The following VPS8 variants were observed in gnomAD, a reference collection of about 807,000 sequenced individuals.
VPS8 encodes the protein VPS8 subunit of CORVET complex.
A neutral mutation model predicts 216.4 loss-of-function variants in VPS8; 129 were observed. The observed-to-expected ratio is 0.60, with a 90% CI of 0.52 to 0.69. The LOEUF (loss-of-function observed/expected upper bound fraction) is 0.69, where lower values mean the gene tolerates loss of function less well. VPS8 is among the 30% of genes least tolerant of loss of function. The probability of loss-of-function intolerance (pLI) is 0.00; values close to 1 mark genes in which losing one functional copy is unlikely to be tolerated. For missense variants in VPS8, 1,531 were observed against 1,683.5 expected, an observed-to-expected ratio of 0.91 and a Z score of 1.59; for synonymous variants, 571 against 565.4, an observed-to-expected ratio of 1.01 and a Z score of -0.14.
At chr3:184,867,930 G>A in intron 17 of VPS8, 94 bp from the exon 18 acceptor site, 5 of 1,264,952 alleles carry the variant, frequency 4.0e-6, no homozygotes, top group African/African-American at 1.5e-5. Flanking sequence ...TTACTTAAAG[G>A]GATATCAAAT....
intron 7 of VPS8, among the ~76,000 whole-genome samples, chr3:184,842,493 A>G (rs559896128): frequency 4.6e-5 from 7 of 152,272 alleles, no homozygotes; most frequent in Non-Finnish European, 1.0e-4. Context: ...TGCTTTGGGT[A>G]TTAATAGTGT....
chr3:184,838,468 C>T (rs78771978), intron 5 of VPS8, among the ~76,000 whole-genome samples: 2,825 of 152,198 alleles, frequency 0.019, 95 homozygotes, highest in African/African-American at 0.065. Context: ...CAGTACCCTC[C>T]CTGAGGCATC....
At position 184,920,108 on chromosome 3, in the gene VPS8, A is replaced by G; in HGVS notation, c.2383-19A>G. Reference sequence around the variant, plus strand: ...GTGCAAATAATAATTACTTTAAAAAATTTATTTCTCCCTTTTAGACTTTTG... The same window carrying G: ...GTGCAAATAATAATTACTTTAAAAAGTTTATTTCTCCCTTTTAGACTTTTG... On this transcript the variant is annotated intron_variant, in intron 28 of 47. Transcript: ENST00000625842. 6.7e-7 allele frequency: 1 copy of G among 1,485,202 alleles called. No individual in the cohort carries two copies. The highest frequency in any genetic ancestry group is 1.4e-5 in the African/African-American group (1 of 70,444). 92.0% of individuals were successfully genotyped at this position (1,485,202 alleles called of 1,614,324 possible).
intron 1 of VPS8, among the ~76,000 whole-genome samples, chr3:184,813,535 C>T (rs1379732159): frequency 6.6e-6 from 1 of 152,066 alleles, no homozygotes; most frequent in Non-Finnish European, 1.5e-5. Flanking sequence ...AATCCTCTGG[C>T]AATAGCTGGC....
intron 35 of VPS8, among the ~76,000 whole-genome samples, chr3:184,938,311 G>C (rs1234056017): frequency 6.6e-6 from 1 of 152,158 alleles, no homozygotes; most frequent in Non-Finnish European, 1.5e-5. Flanking sequence ...CCTGCTCTGG[G>C]CCAAAAACAT....
intron 1 of VPS8, among the ~76,000 whole-genome samples, chr3:184,822,512 T>C (rs9863203): frequency 0.024 from 3,605 of 152,318 alleles, 133 homozygotes; most frequent in African/African-American, 0.082. Context: ...AGATAAAATA[T>C]GAAACATTTT....
At chr3:185,001,688 TTGGGAGATGG>T (rs1332938662) in intron 45 of VPS8, among the ~76,000 whole-genome samples, 4 of 152,158 alleles carry the variant, frequency 2.6e-5, no homozygotes, top group Admixed American at 2.0e-4. Flanking sequence ...TCTGCACAGG[TTGGGAGATGG>T]GGCTGAAAGT....
At chr3:184,910,577 C>T (rs1180812720) in intron 25 of VPS8, among the ~76,000 whole-genome samples, 2 of 152,204 alleles carry the variant, frequency 1.3e-5, no homozygotes, top group Admixed American at 6.5e-5. Context: ...CTTTTTCCTG[C>T]ATGGTGGTTT....
At chr3:184,966,778 A>C (rs576579213) in intron 39 of VPS8, 65 bp downstream of exon 39, 5 of 1,217,524 alleles carry the variant, frequency 4.1e-6, no homozygotes, top group Non-Finnish European at 5.8e-6. Context: ...AAGATGTTTA[A>C]TAAATTGCAT....
At chr3:184,953,001 G>T (rs1010970275) in intron 36 of VPS8, among the ~76,000 whole-genome samples, 2 of 152,148 alleles carry the variant, frequency 1.3e-5, no homozygotes. Context: ...AAAGAATTCT[G>T]GTTAAAGGTT....
At chr3:184,937,168 G>A (rs576772658) in intron 35 of VPS8, among the ~76,000 whole-genome samples, 1 of 152,332 alleles carries the variant, frequency 6.6e-6, no homozygotes, top group East Asian at 1.9e-4. Context: ...GAGAAGCTCA[G>A]TTAGAAGTAC....
Position 184,886,119 on chromosome 3 carries a change from C to A in VPS8, c.1744C>A (p.Pro582Thr). 1 of 1,609,436 alleles carries A rather than the reference C, an allele frequency of 6.2e-7. No homozygotes were observed. Among genetic ancestry groups the A allele is most frequent in the Admixed American group, 1.7e-5 (1 of 59,474 alleles). Reference sequence around the variant, plus strand: ...TATGGTTCCTCTACAGGATATGGTGCCTGTCATAGTTGATTACTGCCTTCT... The same window carrying A: ...TATGGTTCCTCTACAGGATATGGTGACTGTCATAGTTGATTACTGCCTTCT... The part of the protein sequence containing the change: ...VMEQHFQDMV[P>T]VIVDYCLLLQ... Residue 582 changes from proline to threonine, a missense_variant, in exon 22 of 48, where the codon CCT becomes ACT. Pro to Thr is a conservative substitution (Grantham distance 38). This residue lies in a region of VPS8 where 1,318 missense variants were observed against 1,468.4 expected (regional missense o/e 0.90). Transcript: ENST00000625842.
intron 42 of VPS8, among the ~76,000 whole-genome samples, chr3:184,986,216 G>A (rs1409535103): frequency 6.6e-6 from 1 of 152,178 alleles, no homozygotes; most frequent in Admixed American, 6.5e-5. Flanking sequence ...GGAAAGAAAG[G>A]AGGTAGGATT....
chr3:185,033,987 ATTGAGTGATG>A (rs2108468485), intron 46 of VPS8, among the ~76,000 whole-genome samples: 1 of 152,268 alleles, frequency 6.6e-6, no homozygotes, highest in South Asian at 2.1e-4. Flanking sequence ...ACATGGGAAT[ATTGAGTGATG>A]CTGAGGTTTA....
intron 16 of VPS8, among the ~76,000 whole-genome samples, chr3:184,866,497 T>TA (rs1247866641): frequency 4.6e-5 from 7 of 152,224 alleles, no homozygotes; most frequent in African/African-American, 1.7e-4. Context: ...GTACATTTAC[T>TA]AAAAAATCAT....
chr3:184,894,529 TATAC>T (rs141680665), intron 22 of VPS8, among the ~76,000 whole-genome samples, 170 bp from the exon 23 acceptor site: 25,028 of 143,750 alleles, frequency 0.17, 2,200 homozygotes, highest in Middle Eastern at 0.26. Context: ...TATATATATA[TATAC>T]ACACACACAC....
At position 184,996,480 on chromosome 3, in the gene VPS8, C is replaced by A. The variant is rs766259087; in HGVS notation, c.3815C>A (p.Ala1272Asp). The A allele has an allele frequency of 1.2e-6, 2 of 1,606,134 alleles. No homozygotes were observed. The highest frequency in any genetic ancestry group is 1.7e-6 in the Non-Finnish European group (2 of 1,176,616). ...LQQYKRRQEM[A>D]DEIIVFSCGH... ...CAGTACAAGAGACGCCAAGAAATGG[C>A]TGATGAAATAATTGTCTTTAGGTAA... The change falls in exon 44 of 48, where the codon GCT becomes GAT. Residue 1272 changes from alanine (A) to aspartate (D), a missense_variant. Physicochemically the swap from Ala to Asp is moderately radical, Grantham distance 126. This residue lies in a region of VPS8 where 1,318 missense variants were observed against 1,468.4 expected (regional missense o/e 0.90). Transcript: ENST00000625842.
At chr3:184,986,513 T>C (rs1751095902) in intron 42 of VPS8, among the ~76,000 whole-genome samples, 1 of 152,188 alleles carries the variant, frequency 6.6e-6, no homozygotes, top group South Asian at 2.1e-4. Context: ...GAAAGTCTGC[T>C]GATGGTATTC....
chr3:184,833,613 A>G (rs927500624), intron 4 of VPS8, among the ~76,000 whole-genome samples: 3 of 152,196 alleles, frequency 2.0e-5, no homozygotes, highest in African/African-American at 7.2e-5. Context: ...ACTCCTCTGC[A>G]TGGCATCAGT....
Sources: allele counts gnomAD v4.1 joint callset (sites outside exome capture counted in the v4.1 genomes callset), GRCh38; gene constraint gnomAD v4.1.1; regional missense constraint gnomAD v4.1.1; transcripts MANE v1.5; gene names NCBI Gene and HGNC (gene_info 2026-07-23, HGNC 2026-07-21).